The following DISP1 variants were observed in gnomAD, a reference collection of about 807,000 sequenced individuals.
The protein encoded by DISP1 is dispatched RND transporter family member 1.
A neutral mutation model predicts 37.3 loss-of-function variants in DISP1; 30 were observed. That is an observed-to-expected ratio of 0.80 (90% CI 0.60 to 1.09). The LOEUF is 1.09. DISP1 is among the 50% of genes least tolerant of loss of function. The pLI is 0.00. For synonymous variants in DISP1, 634 were observed against 690.2 expected (o/e 0.92, Z 1.28); for missense variants, 1,598 against 1,879.5 (o/e 0.85, Z 2.77).
chr1:222,864,639 C>A (rs1381534976), intron 1 of DISP1, among the ~76,000 whole-genome samples: 2 of 152,108 alleles, frequency 1.3e-5, no homozygotes, highest in African/African-American at 2.4e-5. Context: ...TGGGCAACAT[C>A]ATTGAAAAGA....
chr1:222,896,189 G>A (rs941866846), intron 1 of DISP1, among the ~76,000 whole-genome samples: 5 of 152,104 alleles, frequency 3.3e-5, no homozygotes, highest in African/African-American at 1.2e-4. Flanking sequence ...CATGCCTGTG[G>A]TCCCAGCTAC....
intron 2 of DISP1, among the ~76,000 whole-genome samples, chr1:222,939,563 C>T (rs1046439014): frequency 1.3e-5 from 2 of 151,880 alleles, no homozygotes; most frequent in Non-Finnish European, 1.5e-5. Context: ...TGGCTCACGC[C>T]TGTAATCCTA....
Position 223,002,628 on chromosome 1 carries a change from T to C in DISP1, c.1231T>C (p.Cys411Arg). The change falls in exon 9 of 9, where the codon TGC becomes CGC. Residue 411 changes from cysteine to arginine, a missense_variant. By Grantham distance (180) the Cys-to-Arg change is radical. Transcript: ENST00000675850. ...MAARRKDQLK[C>R]TNVPRKCTKY... ...AGCCAGAAGAAAGGACCAGCTCAAG[T>C]GCACCAATGTGCCACGCAAATGTAC... 1.2e-6 allele frequency: 2 copies of C among 1,614,194 alleles called. No homozygotes were observed. Among genetic ancestry groups the C allele is most frequent in the South Asian group, 1.1e-5 (1 of 91,080 alleles).
intron 3 of DISP1, among the ~76,000 whole-genome samples, chr1:222,947,467 C>A (rs1220145038): frequency 1.3e-5 from 2 of 152,086 alleles, no homozygotes; most frequent in Non-Finnish European, 1.5e-5. Context: ...CATTGATGGA[C>A]ACTTCGATCT....
chr1:222,911,401 T>C (rs1302978040), intron 1 of DISP1, among the ~76,000 whole-genome samples: 1 of 152,166 alleles, frequency 6.6e-6, no homozygotes, highest in African/African-American at 2.4e-5. Context: ...TTGCTTCAAG[T>C]ATAAAACTGT....
At chr1:222,877,412 T>G (rs1225389226) in intron 1 of DISP1, among the ~76,000 whole-genome samples, 1 of 152,172 alleles carries the variant, frequency 6.6e-6, no homozygotes, top group African/African-American at 2.4e-5. Context: ...AACCATCAGA[T>G]CTCATGAGAC....
intron 3 of DISP1, among the ~76,000 whole-genome samples, chr1:222,976,610 CATAAA>C (rs1677352795): frequency 6.6e-6 from 1 of 151,922 alleles, no homozygotes; most frequent in African/African-American, 2.4e-5. Flanking sequence ...ATTTTTTTAA[CATAAA>C]ATGAAATCTT....
At chr1:222,943,488 G>T in intron 3 of DISP1, 156 bp downstream of exon 3, 7 of 983,742 alleles carry the variant, frequency 7.1e-6, no homozygotes, top group Non-Finnish European at 1.1e-5. Context: ...CAACAAAAAC[G>T]CAAATAAAAT....
chr1:222,816,530 A>G (rs1025306840), intron 1 of DISP1, among the ~76,000 whole-genome samples: 6 of 152,356 alleles, frequency 3.9e-5, no homozygotes, highest in East Asian at 1.9e-4. Context: ...GTATTAGTAC[A>G]GGTAACTTTT....
intron 3 of DISP1, among the ~76,000 whole-genome samples, chr1:222,967,338 G>A (rs979685294): frequency 6.6e-6 from 1 of 152,092 alleles, no homozygotes; most frequent in African/African-American, 2.4e-5. Context: ...TGGTACTTAA[G>A]AGCAGAAATT....
chr1:222,933,419 C>T (rs1333216053), intron 2 of DISP1, among the ~76,000 whole-genome samples: 1 of 151,820 alleles, frequency 6.6e-6, no homozygotes, highest in Non-Finnish European at 1.5e-5. Flanking sequence ...TGAAACTACC[C>T]ATAAATTGAA....
chr1:222,894,439 G>A (rs1224781874), intron 1 of DISP1, among the ~76,000 whole-genome samples: 1 of 152,234 alleles, frequency 6.6e-6, no homozygotes, highest in African/African-American at 2.4e-5. Flanking sequence ...AGGCAGCAGG[G>A]GGCTGGAGTG....
chr1:222,825,704 T>C (rs1341743750), intron 1 of DISP1, among the ~76,000 whole-genome samples: 1 of 152,118 alleles, frequency 6.6e-6, no homozygotes, highest in Non-Finnish European at 1.5e-5. Context: ...GGTTTCACCA[T>C]GTTGGCCAGG....
chr1:222,974,721 G>T (rs1677191464), intron 3 of DISP1, among the ~76,000 whole-genome samples: 1 of 152,134 alleles, frequency 6.6e-6, no homozygotes, highest in Non-Finnish European at 1.5e-5. Flanking sequence ...TTGAGCTCTG[G>T]TGCATGAAAA....
intron 3 of DISP1, among the ~76,000 whole-genome samples, chr1:222,978,458 C>T (rs931451869): frequency 3.3e-5 from 5 of 152,082 alleles, no homozygotes; most frequent in Admixed American, 6.6e-5. Context: ...AAATTTTCTC[C>T]ATTCTGTAGG....
At chr1:222,898,679 G>A (rs1671414692) in intron 1 of DISP1, among the ~76,000 whole-genome samples, 1 of 151,938 alleles carries the variant, frequency 6.6e-6, no homozygotes, top group African/African-American at 2.4e-5. Flanking sequence ...ATTAAAAGAT[G>A]CCTAATGGTT....
At chr1:222,895,189 G>C (rs1671179262) in intron 1 of DISP1, among the ~76,000 whole-genome samples, 1 of 152,182 alleles carries the variant, frequency 6.6e-6, no homozygotes, top group Admixed American at 6.5e-5. Context: ...GAGGTAGGTT[G>C]TTATGGTTTG....
At chr1:222,937,376 C>T (rs1674026533) in intron 2 of DISP1, among the ~76,000 whole-genome samples, 6 of 151,998 alleles carry the variant, frequency 3.9e-5, no homozygotes, top group Admixed American at 3.3e-4. Flanking sequence ...AGGCGTGAGC[C>T]ACTGCGCCCT....
At chr1:222,882,064 A>T (rs1443740205) in intron 1 of DISP1, among the ~76,000 whole-genome samples, 3 of 152,176 alleles carry the variant, frequency 2.0e-5, no homozygotes, top group Non-Finnish European at 4.4e-5. Flanking sequence ...AAAATAGCAG[A>T]TATTTTCTTT....
Sources: gnomAD v4.1 joint callset for allele counts (sites outside exome capture counted in the v4.1 genomes callset) on GRCh38, gnomAD v4.1.1 for gene constraint, MANE v1.5 for transcripts, NCBI Gene and HGNC (gene_info 2026-07-23, HGNC 2026-07-21) for gene names.